The following DLC1 variants were observed in gnomAD, a reference collection of about 807,000 sequenced individuals.
DLC1 encodes the protein DLC1 Rho GTPase activating protein, also known as rho GTPase-activating protein 7.
A neutral mutation model predicts 140.3 loss-of-function variants in DLC1; 54 were observed. The ratio of observed to expected loss-of-function variants is 0.38; its 90% CI spans 0.31 to 0.48. DLC1 has a LOEUF of 0.48. DLC1 is among the 20% of genes least tolerant of loss of function. The pLI, the probability that DLC1 is intolerant of heterozygous loss-of-function variation, is 0.96. For missense variants in DLC1, 2,536 were observed against 1,907.0 expected (o/e 1.33, Z -6.14); for synonymous variants, 986 against 728.1 (o/e 1.35, Z -5.70).
At chr8:13,238,637 C>G (rs889929043) in intron 5 of DLC1, among the ~76,000 whole-genome samples, 2 of 152,166 alleles carry the variant, frequency 1.3e-5, no homozygotes, top group African/African-American at 2.4e-5. Context: ...TTAATCAGCT[C>G]CCCTCCAGGA....
chr8:13,349,659 A>G (rs902581988), intron 4 of DLC1, among the ~76,000 whole-genome samples: 14 of 152,344 alleles, frequency 9.2e-5, no homozygotes, highest in Admixed American at 7.8e-4. Flanking sequence ...CACCAGGTAT[A>G]TAAGGAAAGT....
chr8:13,553,784 C>T (rs932388946), intron 1 of DLC1, among the ~76,000 whole-genome samples: 6 of 152,114 alleles, frequency 3.9e-5, no homozygotes, highest in South Asian at 2.1e-4. Flanking sequence ...ACCTTCAAAA[C>T]GATTCTTGTC....
chr8:13,251,764 A>G (rs1004846185), intron 5 of DLC1, among the ~76,000 whole-genome samples: 6 of 152,156 alleles, frequency 3.9e-5, no homozygotes, highest in Non-Finnish European at 5.9e-5. Context: ...ATGGGGGATA[A>G]TCCCATATCT....
intron 1 of DLC1, among the ~76,000 whole-genome samples, chr8:13,520,050 T>C (rs1029782128): frequency 6.6e-6 from 1 of 152,240 alleles, no homozygotes; most frequent in African/African-American, 2.4e-5. Context: ...TCAATCATTA[T>C]GTAAGACAGT....
chr8:13,417,676 T>A (rs1426214238), intron 2 of DLC1, among the ~76,000 whole-genome samples: 3 of 152,196 alleles, frequency 2.0e-5, no homozygotes, highest in Non-Finnish European at 4.4e-5. Context: ...AACATACGTC[T>A]GCATGTGTCT....
At chr8:13,475,957 C>G (rs1041901719) in intron 2 of DLC1, among the ~76,000 whole-genome samples, 2 of 152,164 alleles carry the variant, frequency 1.3e-5, no homozygotes, top group African/African-American at 4.8e-5. Flanking sequence ...TATTTCATAA[C>G]CATTTCTCCA....
chr8:13,213,046 G>T, intron 5 of DLC1, among the ~76,000 whole-genome samples: 1 of 152,178 alleles, frequency 6.6e-6, no homozygotes, highest in Non-Finnish European at 1.5e-5. Context: ...AATGTAGTGG[G>T]AGTTGAAGAC....
intron 5 of DLC1, among the ~76,000 whole-genome samples, chr8:13,294,522 TG>T (rs1438046852): frequency 6.6e-6 from 1 of 151,932 alleles, no homozygotes; most frequent in Non-Finnish European, 1.5e-5. Context: ...AATGAGTCAT[TG>T]GGGGTTAGGG....
In DLC1 at chr8:13,361,355, A is replaced by T. The variant is rs1282003144; in HGVS notation, c.1314+32198T>A. On this transcript the variant is annotated intron_variant, in intron 4 of 17. Transcript: ENST00000276297. ...CTGTAGCCTCGAACTCCTGGGCTCAAGCAATCCTCCTGACTCAACCTCCTG... is the reference window on the plus strand; with the variant it reads ...CTGTAGCCTCGAACTCCTGGGCTCATGCAATCCTCCTGACTCAACCTCCTG... Among the ~76,000 whole-genome samples, 4 of 151,852 alleles carry T rather than the reference A, an allele frequency of 2.6e-5. No individual in the cohort carries two copies. In the East Asian group the frequency reaches 7.9e-4, roughly 30 times the overall value.
chr8:13,100,955 G>A (rs1819033453), intron 8 of DLC1, 185 bp from the exon 9 acceptor site: 2 of 606,812 alleles, frequency 3.3e-6, no homozygotes, highest in East Asian at 3.4e-5. Flanking sequence ...TGTACAGGCT[G>A]TATTGCCCAG....
intron 1 of DLC1, among the ~76,000 whole-genome samples, chr8:13,583,623 G>A (rs1805196841): frequency 6.6e-6 from 1 of 152,110 alleles, no homozygotes; most frequent in Admixed American, 6.6e-5. Context: ...ATAAAACAAG[G>A]TATGCTTTTA....
chr8:13,107,509 A>C (rs1819667267), intron 7 of DLC1, among the ~76,000 whole-genome samples: 1 of 152,266 alleles, frequency 6.6e-6, no homozygotes, highest in Non-Finnish European at 1.5e-5. Flanking sequence ...TCAACTGTTC[A>C]GAAAATATCA....
chr8:13,297,298 T>TAAAAAAAAAAAAAAAAAAAAAAAAAAAAA (rs1831999414), intron 5 of DLC1, among the ~76,000 whole-genome samples: 13 of 7,522 alleles, frequency 1.7e-3, no homozygotes, highest in South Asian at 4.5e-3. Flanking sequence ...AAAAAAAAAC[T>TAAAAAAAAAAAAAAAAAAAAAAAAAAAAA]GAAGCAAGTA....
At chr8:13,211,551 G>C (rs138790943) in intron 5 of DLC1, among the ~76,000 whole-genome samples, 72 of 152,330 alleles carry the variant, frequency 4.7e-4, no homozygotes, top group African/African-American at 1.6e-3. Context: ...GGGGAAGACA[G>C]AGAAGGAGAG....
chr8:13,602,706 T>C (rs1370240080), intron 1 of DLC1, among the ~76,000 whole-genome samples: 1 of 151,922 alleles, frequency 6.6e-6, no homozygotes, highest in Non-Finnish European at 1.5e-5. Context: ...TATGACAAGA[T>C]AATTTTTCCC....
intron 5 of DLC1, among the ~76,000 whole-genome samples, chr8:13,153,692 GT>G (rs1364331795): frequency 1.3e-5 from 2 of 151,184 alleles, no homozygotes; most frequent in Non-Finnish European, 2.9e-5. Context: ...TTAGCTAGAG[GT>G]AAAAGTTCTC....
At chr8:13,446,974 A>G (rs986532136) in intron 2 of DLC1, among the ~76,000 whole-genome samples, 1 of 151,966 alleles carries the variant, frequency 6.6e-6, no homozygotes, top group African/African-American at 2.4e-5. Flanking sequence ...ATGAAAGACA[A>G]CGGAAGAAGG....
In DLC1 at chr8:13,085,758, A is replaced by C. The variant is rs1817498970; in HGVS notation, c.*53T>G. On this transcript the variant is annotated 3_prime_UTR_variant, in exon 18 of 18. Transcript: ENST00000276297. Reference sequence around the variant, plus strand: ...GAACCCATTCTTCAAGGACTGGCAAAAGTTCTAGAAACAAACACCATGGTG... The same window carrying C: ...GAACCCATTCTTCAAGGACTGGCAACAGTTCTAGAAACAAACACCATGGTG... 1 of 1,609,348 alleles carries C rather than the reference A, an allele frequency of 6.2e-7. No homozygotes were observed. The highest frequency in any genetic ancestry group is 1.1e-5 in the South Asian group (1 of 90,592).
intron 2 of DLC1, among the ~76,000 whole-genome samples, chr8:13,409,357 G>T (rs1189592999): frequency 2.0e-5 from 3 of 152,070 alleles, no homozygotes; most frequent in Admixed American, 6.6e-5. Context: ...TTTACTACAA[G>T]TAGAGAGCTT....
Sources: allele counts gnomAD v4.1 joint callset (sites outside exome capture counted in the v4.1 genomes callset), GRCh38; gene constraint gnomAD v4.1.1; transcripts MANE v1.5; gene names NCBI Gene and HGNC (gene_info 2026-07-23, HGNC 2026-07-21).